Variants in CACNA1E observed in about 807,000 individuals in gnomAD.
CACNA1E encodes the protein calcium voltage-gated channel subunit alpha1 E.
CACNA1E carries 40 observed loss-of-function variants against 259.2 expected under a neutral mutation model. The ratio of observed to expected loss-of-function variants is 0.15; its 90% CI spans 0.12 to 0.20. The LOEUF is 0.20. Ranked by LOEUF, CACNA1E falls within the 10% of genes least tolerant of loss-of-function variation. The probability of loss-of-function intolerance (pLI) is 1.00; values close to 1 mark genes in which losing one functional copy is unlikely to be tolerated. For missense variants in CACNA1E, 1,874 were observed against 3,040.1 expected (o/e 0.62, Z 9.02); for synonymous variants, 1,104 against 1,138.5 (o/e 0.97, Z 0.61).
Position 181,580,716 on chromosome 1 carries a change from T to C in CACNA1E, c.891T>C (p.Phe297=). Residue 297 remains phenylalanine (F), a synonymous_variant, in exon 6 of 48, where the codon TTT becomes TTC. Coordinates refer to ENST00000367573, the MANE Select transcript of CACNA1E (RefSeq NM_001205293.3). ...TCACCCAGTTTGATAACATCCTTTTTGCTGTGCTGACTGTCTTCCAGTGCA... is the reference window on the plus strand; with the variant it reads ...TCACCCAGTTTGATAACATCCTTTTCGCTGTGCTGACTGTCTTCCAGTGCA... ...DGITQFDNIL[F]AVLTVFQCIT... 2 of 1,614,070 alleles carry C rather than the reference T, an allele frequency of 1.2e-6. No individual in the cohort carries two copies. The highest frequency in any genetic ancestry group is 1.7e-6 in the Non-Finnish European group (2 of 1,179,884).
At chr1:181,371,600 C>A (rs1654715342) in intron 1 of CACNA1E, among the ~76,000 whole-genome samples, 1 of 152,126 alleles carries the variant, frequency 6.6e-6, no homozygotes, top group African/African-American at 2.4e-5. Context: ...TTAGGTCCTA[C>A]TTATCTATTT....
At chr1:181,402,452 C>CA (rs967519746) in intron 1 of CACNA1E, among the ~76,000 whole-genome samples, 6 of 152,216 alleles carry the variant, frequency 3.9e-5, no homozygotes, top group Admixed American at 2.6e-4. Flanking sequence ...CAGGCAATCA[C>CA]AAGATCACAA....
chr1:181,632,078 A>G (rs1656799966), intron 6 of CACNA1E, among the ~76,000 whole-genome samples: 1 of 148,784 alleles, frequency 6.7e-6, no homozygotes, highest in Admixed American at 6.7e-5. Flanking sequence ...TTCAGACTGA[A>G]CCAGATTCAC....
intron 6 of CACNA1E, among the ~76,000 whole-genome samples, chr1:181,591,061 C>T (rs1052325610): frequency 6.6e-6 from 1 of 152,114 alleles, no homozygotes. Flanking sequence ...GTTACAAAAC[C>T]TTCCACTGTA....
intron 2 of CACNA1E, among the ~76,000 whole-genome samples, chr1:181,456,522 G>A (rs1442664257): frequency 6.6e-6 from 1 of 152,132 alleles, no homozygotes; most frequent in African/African-American, 2.4e-5. Context: ...CTCCTCCTCA[G>A]GGGGAAGAAG....
intron 1 of CACNA1E, among the ~76,000 whole-genome samples, chr1:181,502,533 A>C (rs965907864): frequency 6.6e-5 from 10 of 152,178 alleles, no homozygotes; most frequent in Admixed American, 5.9e-4. Context: ...TCACCTGGGC[A>C]GGGTGGAGCG....
intron 1 of CACNA1E, among the ~76,000 whole-genome samples, chr1:181,491,935 C>G (rs935924022): frequency 1.3e-5 from 2 of 152,138 alleles, no homozygotes; most frequent in Admixed American, 6.5e-5. Context: ...CCTGTAAGAC[C>G]AGGTGTAGCC....
At chr1:181,791,879 A>AC (rs1323898928) in intron 44 of CACNA1E, among the ~76,000 whole-genome samples, 3 of 152,110 alleles carry the variant, frequency 2.0e-5, no homozygotes, top group Admixed American at 1.3e-4. Flanking sequence ...TGGAATGGGC[A>AC]CCCCCACAGA....
chr1:181,490,486 C>T (rs971950819), intron 1 of CACNA1E, among the ~76,000 whole-genome samples: 4 of 150,824 alleles, frequency 2.7e-5, no homozygotes, highest in Admixed American at 1.3e-4. Context: ...GCTCCAGCCA[C>T]GCTCCAGCCA....
chr1:181,783,180 C>A (rs531246418), intron 39 of CACNA1E, among the ~76,000 whole-genome samples: 1 of 152,136 alleles, frequency 6.6e-6, no homozygotes, highest in Admixed American at 6.5e-5. Flanking sequence ...AAAGGGGGCA[C>A]CAGGATACAT....
intron 3 of CACNA1E, among the ~76,000 whole-genome samples, chr1:181,520,762 A>G (rs1172971306): frequency 2.0e-5 from 3 of 152,242 alleles, no homozygotes; most frequent in Non-Finnish European, 4.4e-5. Flanking sequence ...AAGTTCCAAG[A>G]GTAAAAGTTG....
chr1:181,640,397 A>G (rs757227560), intron 6 of CACNA1E, among the ~76,000 whole-genome samples: 9 of 152,224 alleles, frequency 5.9e-5, no homozygotes, highest in Admixed American at 2.6e-4. Flanking sequence ...ACAAAGACTT[A>G]CAAGCCATGG....
rs756252109 is a variant in CACNA1E, at chr1:181,717,226, G to A, written c.1449G>A (p.Leu483=). 2 of 1,613,936 alleles carry A rather than the reference G, an allele frequency of 1.2e-6. No homozygotes were observed. ...CCCAGGTGTTTTACTGGATTGTGCT[G>A]AGCCTTGTGGCACTCAACACTGCCT... is the stretch of plus-strand genomic sequence containing the variant. The part of the protein sequence containing the change: ...VKSQVFYWIV[L]SLVALNTACV... Residue 483 remains leucine (L), a synonymous_variant, in exon 11 of 48, where the codon CTG becomes CTA. Transcript: ENST00000367573.
At chr1:181,769,710 A>G (rs1354619082) in intron 35 of CACNA1E, among the ~76,000 whole-genome samples, 1 of 152,244 alleles carries the variant, frequency 6.6e-6, no homozygotes, top group Non-Finnish European at 1.5e-5. Context: ...AGAAAATCAT[A>G]ATGAATTCAA....
At chr1:181,363,392 A>G (rs16857148) in intron 1 of CACNA1E, among the ~76,000 whole-genome samples, 4,020 of 152,322 alleles carry the variant, frequency 0.026, 200 homozygotes, top group African/African-American at 0.092. Context: ...ATGTTTGAAA[A>G]TAGTGGAAAC....
intron 8 of CACNA1E, among the ~76,000 whole-genome samples, chr1:181,712,842 G>T (rs1653514309): frequency 6.6e-6 from 1 of 152,094 alleles, no homozygotes; most frequent in South Asian, 2.1e-4. Context: ...GACCCAGGAA[G>T]GAGCCCGCCC....
intron 7 of CACNA1E, among the ~76,000 whole-genome samples, chr1:181,704,182 C>T (rs2332526): frequency 0.81 from 123,670 of 152,166 alleles, 50,519 homozygotes; most frequent in Non-Finnish European, 0.86. Context: ...AAAGCATAAA[C>T]AACTTTAATA....
intron 1 of CACNA1E, among the ~76,000 whole-genome samples, chr1:181,492,065 A>T (rs1664364807): frequency 6.6e-6 from 1 of 152,230 alleles, no homozygotes; most frequent in Admixed American, 6.5e-5. Flanking sequence ...TAGCTACTTC[A>T]TAATTTTCCT....
intron 34 of CACNA1E, among the ~76,000 whole-genome samples, chr1:181,764,052 G>T (rs1213293615): frequency 2.6e-5 from 4 of 152,152 alleles, no homozygotes; most frequent in African/African-American, 9.7e-5. Flanking sequence ...TGAACACAGG[G>T]TATACTAATG....
Sources: gnomAD v4.1 joint callset for allele counts (sites outside exome capture counted in the v4.1 genomes callset) on GRCh38, gnomAD v4.1.1 for gene constraint, MANE v1.5 for transcripts, NCBI Gene and HGNC (gene_info 2026-07-23, HGNC 2026-07-21) for gene names.